TMEM132C: variants seen among roughly 807,000 people sequenced by gnomAD.
TMEM132C encodes transmembrane protein 132C.
Under a neutral mutation model 61.4 loss-of-function variants are expected in TMEM132C, and 29 were observed. That is an observed-to-expected ratio of 0.47 (90% CI 0.35 to 0.64). The LOEUF (loss-of-function observed/expected upper bound fraction) is 0.64, where lower values mean the gene tolerates loss of function less well. Ranked by LOEUF, TMEM132C falls within the 30% of genes least tolerant of loss-of-function variation. The pLI, the probability that TMEM132C is intolerant of heterozygous loss-of-function variation, is 0.00. For synonymous variants in TMEM132C, 656 were observed against 633.1 expected, an observed-to-expected ratio of 1.04 and a Z score of -0.54; for missense variants, 1,408 against 1,476.9, an observed-to-expected ratio of 0.95 and a Z score of 0.76.
intron 1 of TMEM132C, among the ~76,000 whole-genome samples, chr12:128,305,483 G>A (rs1334563801): frequency 4.0e-5 from 6 of 151,110 alleles, no homozygotes; most frequent in South Asian, 2.1e-4. Flanking sequence ...TTCTCTAAAC[G>A]TTAAGTTTCC....
At chr12:128,320,236 G>T (rs1872286082) in intron 1 of TMEM132C, among the ~76,000 whole-genome samples, 1 of 152,082 alleles carries the variant, frequency 6.6e-6, no homozygotes, top group South Asian at 2.1e-4. Flanking sequence ...GATCAAGTGA[G>T]ACTGCCTGTA....
At chr12:128,494,659 T>C (rs1247496983) in intron 2 of TMEM132C, among the ~76,000 whole-genome samples, 1 of 152,206 alleles carries the variant, frequency 6.6e-6, no homozygotes, top group Non-Finnish European at 1.5e-5. Context: ...TATTCTCTGA[T>C]GGTAGTTTGT....
At chr12:128,441,310 C>G (rs1204500007) in intron 2 of TMEM132C, among the ~76,000 whole-genome samples, 3 of 152,238 alleles carry the variant, frequency 2.0e-5, no homozygotes, top group Non-Finnish European at 4.4e-5. Flanking sequence ...ACCCACCTGA[C>G]TGACCTCTGT....
chr12:128,409,891 A>G (rs1167817152), intron 1 of TMEM132C, among the ~76,000 whole-genome samples: 2 of 152,326 alleles, frequency 1.3e-5, no homozygotes, highest in East Asian at 3.9e-4. Flanking sequence ...GCTAAGAAAG[A>G]AGACGATGAT....
chr12:128,407,163 T>C (rs1243223834), intron 1 of TMEM132C, among the ~76,000 whole-genome samples: 1 of 152,156 alleles, frequency 6.6e-6, no homozygotes, highest in East Asian at 1.9e-4. Context: ...GGGCAGGTTT[T>C]TGTGCTGTTC....
intron 2 of TMEM132C, among the ~76,000 whole-genome samples, chr12:128,445,842 G>C (rs907621534): frequency 6.6e-6 from 1 of 152,088 alleles, no homozygotes; most frequent in Non-Finnish European, 1.5e-5. Context: ...GCTGCTTCTA[G>C]AATGCTCTAT....
chr12:128,328,820 C>T lies in TMEM132C; in HGVS notation c.85+61333C>T, dbSNP rs192037621. 4.7e-5 allele frequency among the ~76,000 whole-genome samples: 7 copies of T among 150,504 alleles called. No homozygotes were observed. The East Asian group carries it at 1.4e-3, about 29-fold the overall frequency. On this transcript the variant is annotated intron_variant, in intron 1 of 8. Transcript: ENST00000435159. Reference sequence around the variant, plus strand: ...AAAAAAAAAAAAAAAAGGCTAAAGCCGCAATTACTTTTGCACCAACCTGTA... The same window carrying T: ...AAAAAAAAAAAAAAAAGGCTAAAGCTGCAATTACTTTTGCACCAACCTGTA...
In TMEM132C at chr12:128,345,699, G is replaced by A. The variant is rs550833949; in HGVS notation, c.86-69033G>A. On this transcript the variant is annotated intron_variant, in intron 1 of 8. Transcript: ENST00000435159. ...GCTTCTTTTCATATGATTGTTGGCC[G>A]CATATATGTCTTCTTTTGAGAAGTT... Among the ~76,000 whole-genome samples, 301 of 152,086 alleles carry A rather than the reference G, an allele frequency of 2.0e-3. 3 individuals carry two copies. Among genetic ancestry groups the A allele is most frequent in the Non-Finnish European group, 2.6e-3 (174 of 67,982 alleles).
At chr12:128,277,661 G>A (rs1870738986) in intron 1 of TMEM132C, among the ~76,000 whole-genome samples, 1 of 152,198 alleles carries the variant, frequency 6.6e-6, no homozygotes, top group South Asian at 2.1e-4. Context: ...GATGGGGAAT[G>A]ACTGCCCAGC....
chr12:128,555,199 C>T (rs1215172941), intron 3 of TMEM132C, among the ~76,000 whole-genome samples: 3 of 152,102 alleles, frequency 2.0e-5, no homozygotes, highest in African/African-American at 4.8e-5. Context: ...GAATAAAATG[C>T]CCATTAGTAT....
intron 2 of TMEM132C, among the ~76,000 whole-genome samples, chr12:128,431,695 C>T (rs1869394777): frequency 6.6e-6 from 1 of 151,572 alleles, no homozygotes; most frequent in Non-Finnish European, 1.5e-5. Context: ...GTTGGGATTA[C>T]AGGTGCTGGC....
chr12:128,463,879 C>T (rs11059701), intron 2 of TMEM132C, among the ~76,000 whole-genome samples: 16,547 of 152,168 alleles, frequency 0.11, 1,124 homozygotes, highest in East Asian at 0.21. Flanking sequence ...AGTTGAATGG[C>T]CATGTGCAGG....
chr12:128,487,304 C>T (rs2136096777), intron 2 of TMEM132C, among the ~76,000 whole-genome samples: 1 of 152,240 alleles, frequency 6.6e-6, no homozygotes, highest in East Asian at 1.9e-4. Flanking sequence ...ATTTGCTCAC[C>T]CTCTTCCCCG....
chr12:128,419,134 G>T (rs1159759443), intron 2 of TMEM132C, among the ~76,000 whole-genome samples: 1 of 152,200 alleles, frequency 6.6e-6, no homozygotes, highest in Non-Finnish European at 1.5e-5. Context: ...ATGTGCATGT[G>T]TGCCAAGAAG....
chr12:128,662,637 T>C (rs1954403336), intron 4 of TMEM132C, among the ~76,000 whole-genome samples: 2 of 152,132 alleles, frequency 1.3e-5, no homozygotes, highest in Admixed American at 6.5e-5. Context: ...AGTTTCCCCA[T>C]CCATAGACTA....
chr12:128,402,517 T>G (rs112755456), intron 1 of TMEM132C, among the ~76,000 whole-genome samples: 183 of 152,296 alleles, frequency 1.2e-3, no homozygotes, highest in African/African-American at 3.9e-3. Context: ...TTTAAATGGC[T>G]AAGTTTGTAG....
chr12:128,326,663 G>C lies in TMEM132C; in HGVS notation c.85+59176G>C, dbSNP rs1405033484. 6.6e-6 allele frequency among the ~76,000 whole-genome samples: 1 copy of C among 152,134 alleles called. No individual in the cohort carries two copies. The highest frequency in any genetic ancestry group is 1.5e-5 in the Non-Finnish European group (1 of 68,028). On this transcript the variant is annotated intron_variant, in intron 1 of 8. Coordinates refer to ENST00000435159, the MANE Select transcript of TMEM132C (RefSeq NM_001136103.3). The surrounding 1 kb of genome is among the most constrained non-coding windows in gnomAD (Gnocchi z 5.6). ...AATTAGACTGTCACTCTCGAGGAAG[G>C]GAACACTGAAGCAGGATCTCTATTA...
chr12:128,333,396 G>T (rs1442455446), intron 1 of TMEM132C, among the ~76,000 whole-genome samples: 1 of 151,968 alleles, frequency 6.6e-6, no homozygotes, highest in Non-Finnish European at 1.5e-5. Context: ...GTATGTATAT[G>T]CATGTAAATG....
intron 1 of TMEM132C, among the ~76,000 whole-genome samples, chr12:128,389,838 A>G (rs1184878209): frequency 1.3e-5 from 2 of 152,170 alleles, no homozygotes; most frequent in Admixed American, 1.3e-4. Flanking sequence ...ATTCAAAGAG[A>G]AGCTGCTGAA....
Sources: allele counts gnomAD v4.1 joint callset (sites outside exome capture counted in the v4.1 genomes callset), GRCh38; gene constraint gnomAD v4.1.1; non-coding constraint Gnocchi (gnomAD v3.1); transcripts MANE v1.5; gene names NCBI Gene and HGNC (gene_info 2026-07-23, HGNC 2026-07-21).